The following GTF2F2 variants were observed in gnomAD, a reference collection of about 807,000 sequenced individuals.
GTF2F2 encodes general transcription factor IIF subunit 2, also known as ATP-dependent helicase GTF2F2.
GTF2F2 carries 23 observed loss-of-function variants against 42.2 expected under a neutral mutation model. That is an observed-to-expected ratio of 0.55 (90% CI 0.39 to 0.77). The LOEUF (loss-of-function observed/expected upper bound fraction) is 0.77, where lower values mean the gene tolerates loss of function less well. Ranked by LOEUF, GTF2F2 falls within the 30% of genes least tolerant of loss-of-function variation. GTF2F2 has a pLI of 0.00. For synonymous variants in GTF2F2, 105 were observed against 100.8 expected (o/e 1.04, Z -0.25); for missense variants, 261 against 287.2 (o/e 0.91, Z 0.66).
intron 7 of GTF2F2, among the ~76,000 whole-genome samples, chr13:45,267,646 C>T (rs757072569): frequency 3.3e-5 from 5 of 152,082 alleles, no homozygotes; most frequent in Middle Eastern, 3.4e-3. Flanking sequence ...CTGTTGATAC[C>T]ATTTCTGGTC....
At chr13:45,145,891 A>G (rs1248843311) in intron 2 of GTF2F2, among the ~76,000 whole-genome samples, 1 of 152,052 alleles carries the variant, frequency 6.6e-6, no homozygotes, top group Non-Finnish European at 1.5e-5. Flanking sequence ...CCCCTCCTCC[A>G]TAGGAATGCC....
At chr13:45,138,484 C>T (rs936282309) in intron 2 of GTF2F2, among the ~76,000 whole-genome samples, 2 of 152,168 alleles carry the variant, frequency 1.3e-5, no homozygotes, top group South Asian at 2.1e-4. Flanking sequence ...CTAGACTTGA[C>T]CACGGACCTA....
intron 4 of GTF2F2, among the ~76,000 whole-genome samples, chr13:45,176,674 T>G (rs189934012): frequency 6.6e-6 from 1 of 152,222 alleles, no homozygotes; most frequent in Non-Finnish European, 1.5e-5. Flanking sequence ...TTGTGTCTCT[T>G]TAAGAAATTG....
At chr13:45,231,427 G>A (rs1390662994) in intron 5 of GTF2F2, among the ~76,000 whole-genome samples, 1 of 152,010 alleles carries the variant, frequency 6.6e-6, no homozygotes, top group Non-Finnish European at 1.5e-5. Flanking sequence ...TGAATTTAAA[G>A]TTAAATTATT....
intron 2 of GTF2F2, among the ~76,000 whole-genome samples, chr13:45,141,553 G>T (rs1397967618): frequency 6.6e-6 from 1 of 152,142 alleles, no homozygotes; most frequent in African/African-American, 2.4e-5. Flanking sequence ...AGGGGTAGGG[G>T]TGAAGACGGT....
intron 4 of GTF2F2, among the ~76,000 whole-genome samples, chr13:45,177,019 G>C (rs1261882595): frequency 6.6e-6 from 1 of 151,932 alleles, no homozygotes; most frequent in Non-Finnish European, 1.5e-5. Flanking sequence ...TGAACTCCTG[G>C]CCTCAAGTGA....
chr13:45,188,706 A>G (rs939199566), intron 4 of GTF2F2, among the ~76,000 whole-genome samples: 16 of 152,172 alleles, frequency 1.1e-4, no homozygotes, highest in Admixed American at 9.2e-4. Context: ...AAGTTAGTGG[A>G]AGTTAATGGA....
At chr13:45,154,016 A>C (rs567604305) in intron 4 of GTF2F2, among the ~76,000 whole-genome samples, 26 of 145,218 alleles carry the variant, frequency 1.8e-4, no homozygotes, top group Non-Finnish European at 3.6e-4. Flanking sequence ...AAAGAGTTTT[A>C]GTTTCAACAA....
At chr13:45,146,603 GC>G (rs1237492276) in intron 2 of GTF2F2, among the ~76,000 whole-genome samples, 1 of 152,166 alleles carries the variant, frequency 6.6e-6, no homozygotes, top group Non-Finnish European at 1.5e-5. Context: ...GAAAAGCCAG[GC>G]CCCATTGGTA....
Position 45,168,978 on chromosome 13 carries a change from C to T in GTF2F2, c.304+17147C>T, listed in dbSNP as rs1243210944. 5.5e-5 allele frequency among the ~76,000 whole-genome samples: 8 copies of T among 145,020 alleles called. No individual in the cohort carries two copies. The East Asian group carries it at 1.7e-3, about 31-fold the overall frequency. ...TCTTTCCCTCCTTACCTCCTTCCCT[C>T]CTTCCTCCCTCCTTCCCTCTTTCCC... On this transcript the variant is annotated intron_variant, in intron 4 of 7. Coordinates refer to ENST00000340473, the MANE Select transcript of GTF2F2 (RefSeq NM_004128.3).
intron 6 of GTF2F2, among the ~76,000 whole-genome samples, chr13:45,264,179 G>A (rs575579413): frequency 3.5e-5 from 5 of 143,488 alleles, no homozygotes; most frequent in Admixed American, 2.0e-4. Context: ...TTTTTAGTCT[G>A]TTTTTCTAAT....
intron 6 of GTF2F2, among the ~76,000 whole-genome samples, chr13:45,253,756 T>G (rs1349566179): frequency 6.6e-6 from 1 of 152,076 alleles, no homozygotes; most frequent in Non-Finnish European, 1.5e-5. Context: ...GCCCTCTTGG[T>G]TAACAGATCT....
rs1029220959 is a variant in GTF2F2 at position 45,255,693 on chromosome 13, T to C, written c.486+2723T>C. ...CGTGTAAATAGAGATTCTATTCTAC[T>C]TTGTAAAACAGTATAGATCTTAGTT... On this transcript the variant is annotated intron_variant, in intron 6 of 7. Transcript: ENST00000340473. 3.9e-5 allele frequency among the ~76,000 whole-genome samples: 6 copies of C among 152,370 alleles called. 1 individual carries two copies. The highest frequency in any genetic ancestry group is 3.9e-4 in the Admixed American group (6 of 15,296).
chr13:45,153,079 G>A (rs1870575127), intron 4 of GTF2F2, among the ~76,000 whole-genome samples: 2 of 149,508 alleles, frequency 1.3e-5, no homozygotes, highest in South Asian at 2.1e-4. Flanking sequence ...GAGAGATCTC[G>A]GCTCACTGCA....
chr13:45,200,409 T>C (rs1873118919), intron 4 of GTF2F2, among the ~76,000 whole-genome samples: 1 of 144,428 alleles, frequency 6.9e-6, no homozygotes, highest in African/African-American at 2.6e-5. Flanking sequence ...GCTCAGGTGA[T>C]CTTCCTGCCT....
At chr13:45,240,087 T>C (rs1875203062) in intron 5 of GTF2F2, among the ~76,000 whole-genome samples, 1 of 151,004 alleles carries the variant, frequency 6.6e-6, no homozygotes, top group African/African-American at 2.5e-5. Context: ...CCAATTTCTG[T>C]ATTATGTAGA....
At chr13:45,193,737 T>C (rs1254674445) in intron 4 of GTF2F2, 1 of 1,517,264 alleles carries the variant, frequency 6.6e-7, no homozygotes, top group East Asian at 2.3e-5. Context: ...GCTGTGGTTT[T>C]CCGAAGCTTG....
intron 4 of GTF2F2, among the ~76,000 whole-genome samples, chr13:45,154,493 C>T (rs548544490): frequency 2.0e-5 from 3 of 152,210 alleles, no homozygotes; most frequent in Admixed American, 6.5e-5. Flanking sequence ...GGGGCTTGGA[C>T]AGTATGTTCT....
rs187530034 is a variant in GTF2F2 at position 45,207,339 on chromosome 13, G to A, written c.305-85G>A. 7 of 739,864 alleles carry A rather than the reference G, an allele frequency of 9.5e-6. No homozygotes were observed. The East Asian group carries it at 1.8e-4, about 19-fold the overall frequency. 45.8% of individuals were successfully genotyped at this position (739,864 alleles called of 1,614,324 possible). A position where few individuals can be genotyped will look rare whatever the true frequency, so the allele number is the denominator to read the frequency against. ...TTTTTGATATTAATTATATTTGATT[G>A]TCATATTACTGTGTTTAGTGTGTCA... On this transcript the variant is annotated intron_variant, in intron 4 of 7. Transcript: ENST00000340473.
Sources: allele counts gnomAD v4.1 joint callset (sites outside exome capture counted in the v4.1 genomes callset), GRCh38; gene constraint gnomAD v4.1.1; transcripts MANE v1.5; gene names NCBI Gene and HGNC (gene_info 2026-07-23, HGNC 2026-07-21).